The following AEN variants were observed in gnomAD, a reference collection of about 807,000 sequenced individuals.
The protein encoded by AEN is apoptosis-enhancing nuclease.
In AEN, 21 loss-of-function variants were observed where a neutral mutation model predicts 17.7. That is an observed-to-expected ratio of 1.19 (90% CI 0.84 to 1.71). The LOEUF (loss-of-function observed/expected upper bound fraction) is 1.71. Ranked by LOEUF, AEN falls within the 40% of genes most tolerant of loss-of-function variation. The pLI is 0.00. For synonymous variants in AEN, 190 were observed against 173.0 expected (o/e 1.10, Z -0.77); for missense variants, 462 against 435.9 (o/e 1.06, Z -0.53).
chr15:88,605,258 G>C, the AEN span: 1 of 152,210 alleles, frequency 6.6e-6, no homozygotes, highest in Non-Finnish European at 1.5e-5. This position sits in a 1 kb window ranked among gnomAD's most constrained non-coding sequence, Gnocchi z 7.6. Context: ...AGTTTGTTTC[G>C]CTCGGTCCCG....
the AEN span, among the ~76,000 whole-genome samples, chr15:88,609,118 G>C: frequency 6.6e-6 from 1 of 152,132 alleles, no homozygotes; most frequent in African/African-American, 2.4e-5. Context: ...TACTGGGAAT[G>C]GATAGATGCC....
chr15:88,610,440 G>A, the AEN span, among the ~76,000 whole-genome samples: 23 of 152,062 alleles, frequency 1.5e-4, no homozygotes, highest in Non-Finnish European at 3.1e-4. Context: ...TCACTGCGGG[G>A]TAGACTGAAG....
At chr15:88,622,999 G>A (rs1407667899) in intron 1 of AEN, among the ~76,000 whole-genome samples, 1 of 152,110 alleles carries the variant, frequency 6.6e-6, no homozygotes, top group Non-Finnish European at 1.5e-5. Flanking sequence ...TTAAAACCTT[G>A]CCAGTAGGAT....
Position 88,629,261 on chromosome 15 carries a change from G to C in AEN, c.576G>C (p.Gly192=). 6 of 1,614,110 alleles carry C rather than the reference G, an allele frequency of 3.7e-6. No homozygotes were observed. The highest frequency in any genetic ancestry group is 5.1e-6 in the Non-Finnish European group (6 of 1,180,004). ...TCCTGAAGGGCAAGGTGGTGGTGGG[G>C]CACGCGCTGCACAACGACTTCCAGG... ...LKLLKGKVVV[G]HALHNDFQAL... is the part of the protein sequence containing the mutation. The change falls in exon 3 of 4, where the codon GGG becomes GGC. Residue 192 remains glycine (G), a synonymous_variant. Coordinates refer to ENST00000332810, the MANE Select transcript of AEN (RefSeq NM_022767.4).
At chr15:88,612,734 G>A in the AEN span, among the ~76,000 whole-genome samples, 4 of 151,994 alleles carry the variant, frequency 2.6e-5, no homozygotes, top group African/African-American at 9.7e-5. Context: ...CCGACTAGCT[G>A]GGATTACAGG....
In AEN at chr15:88,631,082, C is replaced by T. The variant is rs1388367920; in HGVS notation, c.*788C>T. 2.2e-6 allele frequency: 1 copy of T among 455,690 alleles called. No individual in the cohort carries two copies. The highest frequency in any genetic ancestry group is 2.3e-5 in the Admixed American group (1 of 42,572). 28.2% of individuals were successfully genotyped at this position (455,690 alleles called of 1,614,324 possible). ...GAGAACTGGCATATTTATTTTGACC[C>T]AAATCAGGGATTTCCCCAGTCCACC... is the stretch of plus-strand genomic sequence containing the variant. On this transcript the variant is annotated 3_prime_UTR_variant, in exon 4 of 4. Coordinates refer to ENST00000332810, the MANE Select transcript of AEN (RefSeq NM_022767.4).
At position 88,630,965 on chromosome 15, in the gene AEN, C is replaced by T. The variant is rs2141377923; in HGVS notation, c.*671C>T. On this transcript the variant is annotated 3_prime_UTR_variant, in exon 4 of 4. Coordinates refer to ENST00000332810, the MANE Select transcript of AEN (RefSeq NM_022767.4). The surrounding 1 kb of genome is among the most constrained non-coding windows in gnomAD (Gnocchi z 5.1). ...ACAGTGGAATAGCAGAGCCCACAGG[C>T]TTCTCGTGGGGAGTTGGCTCCTTAA... The T allele has an allele frequency of 2.7e-6, 1 of 364,332 alleles. No homozygotes were observed. The highest frequency in any genetic ancestry group is 2.0e-5 in the South Asian group (1 of 49,684). The allele number at this position is 364,332 out of a possible 1,614,324, so 22.6% of individuals were successfully genotyped here.
the AEN span, among the ~76,000 whole-genome samples, chr15:88,614,868 T>TTTGTTGTTG: frequency 2.0e-5 from 3 of 151,532 alleles, no homozygotes; most frequent in East Asian, 1.9e-4. Flanking sequence ...GTGGTGCTTT[T>TTTGTTGTTG]TTGTTGTTGT....
upstream of AEN, among the ~76,000 whole-genome samples, chr15:88,618,111 G>C (rs1447893172): frequency 6.6e-6 from 1 of 152,106 alleles, no homozygotes; most frequent in East Asian, 1.9e-4. Context: ...AGAGTTTGTA[G>C]ATTTATGGCC....
the AEN span, chr15:88,605,213 G>C: frequency 6.6e-6 from 1 of 152,324 alleles, no homozygotes; most frequent in Admixed American, 6.5e-5. This position sits in a 1 kb window ranked among gnomAD's most constrained non-coding sequence, Gnocchi z 7.6. Flanking sequence ...TCTGGTTCCA[G>C]TACCTGCCCG....
the AEN span, among the ~76,000 whole-genome samples, chr15:88,615,097 C>G: frequency 6.6e-6 from 1 of 152,068 alleles, no homozygotes; most frequent in Non-Finnish European, 1.5e-5. Context: ...ATCTGCTGAC[C>G]TCGTGATCCG....
intron 3 of AEN, 128 bp downstream of exon 3, chr15:88,629,554 G>T: frequency 8.5e-7 from 1 of 1,171,480 alleles, no homozygotes; most frequent in Non-Finnish European, 1.2e-6. Context: ...CCAGGTCCAG[G>T]GACCTTGCTT....
chr15:88,610,160 T>C, the AEN span, among the ~76,000 whole-genome samples: 1 of 152,168 alleles, frequency 6.6e-6, no homozygotes, highest in African/African-American at 2.4e-5. Context: ...TTCCTAGAAA[T>C]ACCTAGGGTG....
chr15:88,628,052 CA>C (rs1349998551), intron 2 of AEN: 1 of 152,116 alleles, frequency 6.6e-6, no homozygotes, highest in Non-Finnish European at 1.5e-5. Context: ...GCAGGCCAAT[CA>C]GTAAGAGTAG....
In AEN at chr15:88,629,319, C is replaced by A. The variant is rs763210791; in HGVS notation, c.634C>A (p.Arg212=). 1 of 1,614,122 alleles carries A rather than the reference C, an allele frequency of 6.2e-7. No homozygotes were observed. The highest frequency in any genetic ancestry group is 1.7e-5 in the Admixed American group (1 of 60,008). ...LKYVHPRSQT[R]DTTYVPNFLS... ...GTATGTCCACCCTCGGAGCCAGACC[C>A]GGGATACGACCTATGTCCCAAACTT... The change falls in exon 3 of 4, where the codon CGG becomes AGG. Residue 212 remains arginine (R), a synonymous_variant. Coordinates refer to ENST00000332810, the MANE Select transcript of AEN (RefSeq NM_022767.4).
intron 1 of AEN, among the ~76,000 whole-genome samples, chr15:88,624,134 G>C (rs758022315): frequency 8.5e-5 from 13 of 152,192 alleles, no homozygotes; most frequent in Non-Finnish European, 1.6e-4. Flanking sequence ...CTTGGTTTCT[G>C]TCTCCACCAT....
At chr15:88,627,351 T>C (rs2057867527) in intron 2 of AEN, 1 of 151,910 alleles carries the variant, frequency 6.6e-6, no homozygotes, top group South Asian at 2.1e-4. Flanking sequence ...GCCACAGGGC[T>C]TAAGGGGAAA....
At chr15:88,621,127 CCTTCT>C (rs1312732701), upstream of AEN, among the ~76,000 whole-genome samples, 1 of 152,222 alleles carries the variant, frequency 6.6e-6, no homozygotes, top group Non-Finnish European at 1.5e-5. Context: ...GTCTCCCTTC[CCTTCT>C]CTTTAAAATT....
rs1567106122 is a variant in AEN, at chr15:88,629,444, G to A, written c.741+18G>A. 6.2e-7 allele frequency: 1 copy of A among 1,609,176 alleles called. No homozygotes were observed. The highest frequency in any genetic ancestry group is 1.1e-5 in the South Asian group (1 of 90,964). On this transcript the variant is annotated intron_variant, in intron 3 of 3. Transcript: ENST00000332810. ...AGATCCAGGTGCGTGGTGGGAGAGT[G>A]GCTGGAAGGGAGGGAGGCCCGCCTG...
Sources: gnomAD v4.1 joint callset for allele counts (sites outside exome capture counted in the v4.1 genomes callset) on GRCh38, gnomAD v4.1.1 for gene constraint, Gnocchi (gnomAD v3.1) non-coding constraint, MANE v1.5 for transcripts, NCBI Gene and HGNC (gene_info 2026-07-23, HGNC 2026-07-21) for gene names.